Variants in NBAS observed in about 807,000 individuals in gnomAD.
NBAS encodes the protein NAG/BC035112 fusion.
Under a neutral mutation model 302.5 loss-of-function variants are expected in NBAS, and 219 were observed. That is an observed-to-expected ratio of 0.72 (90% CI 0.65 to 0.81). The LOEUF (loss-of-function observed/expected upper bound fraction) is 0.81. Ranked by LOEUF, NBAS falls within the 30% of genes least tolerant of loss-of-function variation. The pLI is 0.00. For missense variants in NBAS, 2,932 were observed against 2,841.6 expected, an observed-to-expected ratio of 1.03 and a Z score of -0.72; for synonymous variants, 1,118 against 1,021.6, an observed-to-expected ratio of 1.09 and a Z score of -1.80.
the NBAS span, among the ~76,000 whole-genome samples, chr2:14,815,921 A>C: frequency 6.6e-6 from 1 of 152,168 alleles, no homozygotes; most frequent in Non-Finnish European, 1.5e-5. Flanking sequence ...CTCCTCACAC[A>C]TTGGTAATTA....
intron 48 of NBAS, among the ~76,000 whole-genome samples, chr2:15,198,175 A>C (rs1665705704): frequency 6.6e-6 from 1 of 152,256 alleles, no homozygotes; most frequent in African/African-American, 2.4e-5. Flanking sequence ...TTAGCTCTAC[A>C]GTAAATATTT....
chr2:15,490,096 T>C (rs866269953), intron 11 of NBAS, among the ~76,000 whole-genome samples: 6 of 92,704 alleles, frequency 6.5e-5, no homozygotes, highest in Non-Finnish European at 1.6e-4. Flanking sequence ...TGCTCCAGTA[T>C]TGGGGTCAAA....
chr2:15,188,074 G>A (rs973539559), intron 49 of NBAS, among the ~76,000 whole-genome samples: 1 of 152,222 alleles, frequency 6.6e-6, no homozygotes, highest in African/African-American at 2.4e-5. Context: ...TAGGAGAAAT[G>A]CTGCTTGGCC....
At chr2:15,534,438 G>A (rs1663382931) in intron 9 of NBAS, 105 bp downstream of exon 9, 2 of 850,574 alleles carry the variant, frequency 2.4e-6, no homozygotes, top group South Asian at 1.3e-5. Context: ...ACGCACAAGA[G>A]GAGGAAATTA....
At chr2:14,913,106 CT>C in the NBAS span, among the ~76,000 whole-genome samples, 1 of 152,206 alleles carries the variant, frequency 6.6e-6, no homozygotes, top group African/African-American at 2.4e-5. Context: ...TGCATTGGAA[CT>C]TTATTTAACT....
chr2:15,433,845 C>T (rs796640267), intron 21 of NBAS, among the ~76,000 whole-genome samples: 7 of 152,068 alleles, frequency 4.6e-5, no homozygotes, highest in African/African-American at 1.7e-4. Flanking sequence ...ACCTATAATC[C>T]CAGCATTTTG....
the NBAS span, among the ~76,000 whole-genome samples, chr2:14,803,545 T>C: frequency 6.6e-6 from 1 of 152,212 alleles, no homozygotes; most frequent in Non-Finnish European, 1.5e-5. Context: ...AGTTACTCAT[T>C]TGTTTCCCAT....
chr2:15,379,243 C>T, intron 30 of NBAS, among the ~76,000 whole-genome samples: 1 of 150,410 alleles, frequency 6.6e-6, no homozygotes, highest in Non-Finnish European at 1.5e-5. Flanking sequence ...GGTCCCTTGT[C>T]TCTAAACAAA....
At chr2:15,206,895 T>C (rs534456320) in intron 48 of NBAS, among the ~76,000 whole-genome samples, 8 of 152,258 alleles carry the variant, frequency 5.3e-5, no homozygotes, top group Admixed American at 5.2e-4. Flanking sequence ...GCAGCCCTCA[T>C]GGAGAACCTC....
At chr2:15,444,826 T>G (rs1240945226) in intron 21 of NBAS, among the ~76,000 whole-genome samples, 2 of 151,948 alleles carry the variant, frequency 1.3e-5, no homozygotes, top group Non-Finnish European at 2.9e-5. Flanking sequence ...CAAACAATCC[T>G]GTCAAAAAGT....
the NBAS span, among the ~76,000 whole-genome samples, chr2:14,943,445 T>C: frequency 6.6e-5 from 10 of 152,238 alleles, no homozygotes; most frequent in African/African-American, 2.4e-4. Flanking sequence ...CTTCTGACTG[T>C]AATTCCTAAA....
At chr2:15,293,200 A>G (rs1357030200) in intron 40 of NBAS, among the ~76,000 whole-genome samples, 1 of 152,154 alleles carries the variant, frequency 6.6e-6, no homozygotes, top group Non-Finnish European at 1.5e-5. Flanking sequence ...TCTCAATAAC[A>G]AAGGTGCAGT....
At chr2:15,470,581 T>C (rs906749502) in intron 16 of NBAS, among the ~76,000 whole-genome samples, 2 of 152,224 alleles carry the variant, frequency 1.3e-5, no homozygotes, top group Non-Finnish European at 2.9e-5. Flanking sequence ...AATTTGTTCA[T>C]ACCATCTGTC....
intron 44 of NBAS, among the ~76,000 whole-genome samples, chr2:15,256,271 C>T (rs1002642745): frequency 1.3e-5 from 2 of 152,054 alleles, no homozygotes; most frequent in East Asian, 3.8e-4. Flanking sequence ...TCATTCACCT[C>T]CTTGCTTATA....
intron 41 of NBAS, among the ~76,000 whole-genome samples, chr2:15,290,187 A>C (rs1670245301): frequency 6.6e-6 from 1 of 152,032 alleles, no homozygotes; most frequent in South Asian, 2.1e-4. Flanking sequence ...TGGTCACTCT[A>C]TGTACAAGTG....
intron 25 of NBAS, among the ~76,000 whole-genome samples, chr2:15,403,759 A>T (rs1012088712): frequency 4.6e-5 from 7 of 152,242 alleles, no homozygotes; most frequent in Admixed American, 1.3e-4. Context: ...CAAGGTTGCA[A>T]AGTGACTAAC....
chr2:15,539,094 G>T (rs1192581965), intron 7 of NBAS, 129 bp downstream of exon 7: 2 of 1,247,160 alleles, frequency 1.6e-6, no homozygotes, highest in African/African-American at 1.5e-5. Context: ...GATTCTGGGC[G>T]TCTTAAGTCC....
intron 28 of NBAS, among the ~76,000 whole-genome samples, chr2:15,389,606 C>A (rs927880398): frequency 5.3e-5 from 8 of 152,086 alleles, no homozygotes; most frequent in African/African-American, 1.7e-4. Flanking sequence ...AGACATGGAT[C>A]AAGGGGGAAC....
the NBAS span, among the ~76,000 whole-genome samples, chr2:15,011,464 T>C: frequency 2.4e-4 from 36 of 152,154 alleles, no homozygotes; most frequent in African/African-American, 8.2e-4. Context: ...TGCCTGTGTT[T>C]CAGACCGGAG....
Sources: gnomAD v4.1 joint callset for allele counts (sites outside exome capture counted in the v4.1 genomes callset) on GRCh38, gnomAD v4.1.1 for gene constraint, MANE v1.5 for transcripts, NCBI Gene and HGNC (gene_info 2026-07-23, HGNC 2026-07-21) for gene names.